The following RBFOX1 variants were observed in gnomAD, a reference collection of about 807,000 sequenced individuals.
RBFOX1 encodes RNA binding fox-1 homolog 1.
A neutral mutation model predicts 57.7 loss-of-function variants in RBFOX1; 8 were observed. That is an observed-to-expected ratio of 0.14 (90% CI 0.08 to 0.25). The LOEUF (loss-of-function observed/expected upper bound fraction) is 0.25, where lower values mean the gene tolerates loss of function less well. Ranked by LOEUF, RBFOX1 falls within the 10% of genes least tolerant of loss-of-function variation. The pLI is 1.00. For missense variants in RBFOX1, 611 were observed against 548.5 expected (o/e 1.11, Z -1.14); for synonymous variants, 326 against 222.4 (o/e 1.47, Z -4.15).
intron 3 of RBFOX1, among the ~76,000 whole-genome samples, chr16:6,713,906 C>G (rs947781304): frequency 6.6e-6 from 1 of 152,182 alleles, no homozygotes; most frequent in Non-Finnish European, 1.5e-5. Flanking sequence ...AAGATATCAT[C>G]CTTTTCTCAG....
intron 14 of RBFOX1, among the ~76,000 whole-genome samples, chr16:7,704,975 C>T (rs1480635940): frequency 6.8e-6 from 1 of 148,102 alleles, no homozygotes; most frequent in East Asian, 2.0e-4. Flanking sequence ...ACCCAGAAGG[C>T]AGAGGTTAGA....
At chr16:6,444,466 A>G (rs2094445774) in intron 2 of RBFOX1, among the ~76,000 whole-genome samples, 1 of 152,112 alleles carries the variant, frequency 6.6e-6, no homozygotes, top group Admixed American at 6.6e-5. Flanking sequence ...TTCTTGTGAT[A>G]ATGAATAAGT....
chr16:7,288,821 A>G (rs1396724440), intron 4 of RBFOX1, among the ~76,000 whole-genome samples: 1 of 152,220 alleles, frequency 6.6e-6, no homozygotes, highest in East Asian at 1.9e-4. Context: ...AGCCTGCGCG[A>G]TAAAGCAAGG....
In RBFOX1 at chr16:6,021,073, G is replaced by A. The variant is rs943828704; in HGVS notation, c.-127+1081G>A. Among the ~76,000 whole-genome samples, 3 of 152,322 alleles carry A rather than the reference G, an allele frequency of 2.0e-5. No individual in the cohort carries two copies. In the South Asian group the frequency reaches 6.2e-4, roughly 32 times the overall value. On this transcript the variant is annotated intron_variant, in intron 1 of 15. Coordinates refer to ENST00000550418, the MANE Select transcript of RBFOX1 (RefSeq NM_018723.4). ...CTTGGAAATCCTGGTCAGGCAGTCC[G>A]GGCAATTGGCACCCCAAAGGCGGAT...
chr16:7,450,650 T>TTC (rs2098844922), intron 4 of RBFOX1, among the ~76,000 whole-genome samples: 1 of 152,110 alleles, frequency 6.6e-6, no homozygotes. Flanking sequence ...TTTTTCACTT[T>TTC]TCCGCCTGAT....
chr16:6,921,735 A>G (rs1452705348), intron 3 of RBFOX1, among the ~76,000 whole-genome samples: 2 of 151,700 alleles, frequency 1.3e-5, no homozygotes, highest in African/African-American at 2.4e-5. Flanking sequence ...GTTCATATAT[A>G]TGAGCATATG....
At chr16:5,713,880 A>G (rs911611830) in intron 3 of RBFOX1, among the ~76,000 whole-genome samples, 29 of 152,216 alleles carry the variant, frequency 1.9e-4, no homozygotes, top group African/African-American at 7.0e-4. Context: ...GTTGGAAGTG[A>G]GGAGGAAGCC....
At chr16:5,638,669 G>A (rs575818381) in intron 3 of RBFOX1, among the ~76,000 whole-genome samples, 1 of 152,170 alleles carries the variant, frequency 6.6e-6, no homozygotes, top group South Asian at 2.1e-4. Context: ...GGGGAGGATT[G>A]GAATGGGTTA....
Position 5,413,931 on chromosome 16 carries a change from C to T in RBFOX1, c.220-53285C>T, listed in dbSNP as rs1019122011. Among the ~76,000 whole-genome samples, 8 of 152,214 alleles carry T rather than the reference C, an allele frequency of 5.3e-5. No individual in the cohort carries two copies. In the East Asian group the frequency reaches 5.8e-4, roughly 11 times the overall value. ...GTTCCTGAAAGCTCATGACTCTAGG[C>T]GCCTTACGGAATCAAATCCCTTTTG... is the stretch of plus-strand genomic sequence containing the variant. On this transcript the variant is annotated intron_variant, in intron 1 of 2. Coordinates refer to the RBFOX1 transcript ENST00000585867.
intron 1 of RBFOX1, among the ~76,000 whole-genome samples, chr16:5,281,877 C>G (rs2063279829): frequency 6.6e-6 from 1 of 152,214 alleles, no homozygotes. Context: ...TTAAGCCTGT[C>G]TCTGTCTTTT....
chr16:5,282,801 T>A (rs1305851888), intron 1 of RBFOX1, among the ~76,000 whole-genome samples: 1 of 152,180 alleles, frequency 6.6e-6, no homozygotes, highest in East Asian at 1.9e-4. Context: ...AGCCTGACGA[T>A]GCAATAGAAA....
At chr16:5,761,995 C>T (rs911396183) in intron 3 of RBFOX1, among the ~76,000 whole-genome samples, 2 of 152,134 alleles carry the variant, frequency 1.3e-5, no homozygotes, top group African/African-American at 2.4e-5. Flanking sequence ...CCCTTTGTCA[C>T]CTGCGCCTCC....
intron 3 of RBFOX1, among the ~76,000 whole-genome samples, chr16:5,653,514 G>T (rs75996675): frequency 6.7e-6 from 1 of 149,052 alleles, no homozygotes; most frequent in East Asian, 2.0e-4. Context: ...GTTGGGGTGC[G>T]GAGCCGTGTG....
intron 4 of RBFOX1, among the ~76,000 whole-genome samples, chr16:7,347,742 C>T (rs1462983926): frequency 1.3e-5 from 2 of 152,178 alleles, no homozygotes; most frequent in East Asian, 3.9e-4. Context: ...TATCGTATGT[C>T]TCAATCTTTA....
At chr16:5,548,638 A>G (rs2045332128) in intron 2 of RBFOX1, among the ~76,000 whole-genome samples, 2 of 152,086 alleles carry the variant, frequency 1.3e-5, no homozygotes, top group South Asian at 2.1e-4. Context: ...TACACCAACT[A>G]TGTACCCAAA....
chr16:6,105,396 A>T (rs970040682), intron 1 of RBFOX1, among the ~76,000 whole-genome samples: 2 of 152,180 alleles, frequency 1.3e-5, no homozygotes. Flanking sequence ...GGTAAAAAAA[A>T]AAATCAGAGT....
intron 2 of RBFOX1, among the ~76,000 whole-genome samples, chr16:5,547,040 C>A (rs140517749): frequency 6.6e-6 from 1 of 152,230 alleles, no homozygotes; most frequent in Non-Finnish European, 1.5e-5. Context: ...CAAGTTAAGA[C>A]CACAATGAGA....
At position 6,482,487 on chromosome 16, in the gene RBFOX1, A is replaced by G. The variant is rs111824069; in HGVS notation, c.-64+165430A>G. ...GCAACAAAAAAAGTGAAATAGATCT[A>G]TGAGGACTTCTTGGGAAAATAACAG... On this transcript the variant is annotated intron_variant, in intron 2 of 15. Transcript: ENST00000550418. Among the ~76,000 whole-genome samples the G allele has an allele frequency of 1.0e-3, 156 of 152,368 alleles. 1 individual carries two copies. Among genetic ancestry groups the G allele is most frequent in the African/African-American group, 3.4e-3 (141 of 41,588 alleles).
intron 2 of RBFOX1, among the ~76,000 whole-genome samples, chr16:6,454,881 T>G (rs2094725881): frequency 2.0e-5 from 1 of 49,300 alleles, no homozygotes; most frequent in Non-Finnish European, 4.4e-5. Context: ...TTTTTTTTTT[T>G]TTTTTTTTTT....
Sources: gnomAD v4.1 joint callset for allele counts (sites outside exome capture counted in the v4.1 genomes callset) on GRCh38, gnomAD v4.1.1 for gene constraint, MANE v1.5 for transcripts, NCBI Gene and HGNC (gene_info 2026-07-23, HGNC 2026-07-21) for gene names.